USP42: variants seen among roughly 807,000 people sequenced by gnomAD.
USP42 encodes the protein ubiquitin specific peptidase 42, also known as ubiquitin carboxyl-terminal hydrolase 42.
Under a neutral mutation model 113.0 loss-of-function variants are expected in USP42, and 23 were observed. That is an observed-to-expected ratio of 0.20 (90% confidence interval 0.15 to 0.29). USP42 has a LOEUF of 0.29. Ranked by LOEUF, USP42 falls within the 10% of genes least tolerant of loss-of-function variation. The probability of loss-of-function intolerance (pLI) is 1.00; values close to 1 mark genes in which losing one functional copy is unlikely to be tolerated. For missense variants in USP42, 2,174 were observed against 1,779.8 expected (o/e 1.22, Z -3.99); for synonymous variants, 933 against 699.0 (o/e 1.33, Z -5.28).
chr7:6,121,338 G>A (rs1380024467), intron 3 of USP42, among the ~76,000 whole-genome samples: 2 of 152,104 alleles, frequency 1.3e-5, no homozygotes, highest in Non-Finnish European at 2.9e-5. Flanking sequence ...AACCAACCTT[G>A]CATTCCTGAG....
At chr7:6,156,452 A>G (rs536923490) in intron 15 of USP42, among the ~76,000 whole-genome samples, 15 of 152,140 alleles carry the variant, frequency 9.9e-5, no homozygotes, top group South Asian at 6.2e-4. Flanking sequence ...AGTGAAGGCA[A>G]ACTTGTTAAA....
chr7:6,124,840 T>TA (rs752101867), intron 3 of USP42, among the ~76,000 whole-genome samples: 6 of 152,078 alleles, frequency 3.9e-5, no homozygotes, highest in Non-Finnish European at 7.4e-5. Flanking sequence ...TTCATGGTGG[T>TA]TACTTTAGGT....
rs1310642769 is a variant in USP42 at position 6,158,418 on chromosome 7, C to T, written c.3944-1032C>T. On this transcript the variant is annotated intron_variant, in intron 16 of 17. Coordinates refer to ENST00000306177, the MANE Select transcript of USP42 (RefSeq NM_032172.3). The surrounding 1 kb of genome is among the most constrained non-coding windows in gnomAD (Gnocchi z 4.2). ...GCTTTTGACGAATCTTCAGGGCTGC[C>T]CTGAGGCCTTTTGCTTCTCGGCTGA... 6.6e-6 allele frequency among the ~76,000 whole-genome samples: 1 copy of T among 152,222 alleles called. No homozygotes were observed. Among genetic ancestry groups the T allele is most frequent in the African/African-American group, 2.4e-5 (1 of 41,464 alleles).
At chr7:6,123,455 A>T (rs1196666574) in intron 3 of USP42, among the ~76,000 whole-genome samples, 9 of 152,156 alleles carry the variant, frequency 5.9e-5, no homozygotes, top group Non-Finnish European at 1.5e-5. Context: ...CGAGCTCAGG[A>T]GATCGAGACC....
intron 6 of USP42, among the ~76,000 whole-genome samples, chr7:6,140,484 T>TTC (rs138120113): frequency 0.073 from 11,085 of 152,276 alleles, 500 homozygotes; most frequent in African/African-American, 0.12. Flanking sequence ...CCTTCGACAG[T>TTC]TGGAGTAGTG....
At chr7:6,150,897 C>T (rs74540684) in intron 14 of USP42, among the ~76,000 whole-genome samples, 10,550 of 152,156 alleles carry the variant, frequency 0.069, 824 homozygotes, top group East Asian at 0.43. Context: ...TACAGACATC[C>T]GTCCGTCCAC....
intron 3 of USP42, among the ~76,000 whole-genome samples, chr7:6,120,815 C>T (rs1292994062): frequency 2.6e-5 from 4 of 151,960 alleles, no homozygotes; most frequent in Admixed American, 1.3e-4. Flanking sequence ...AACTCCTGGC[C>T]TCAAATGATC....
In USP42 at chr7:6,141,034, T is replaced by G. The variant is rs771551764; in HGVS notation, c.795+50T>G. On this transcript the variant is annotated intron_variant, in intron 7 of 17. Coordinates refer to ENST00000306177, the MANE Select transcript of USP42 (RefSeq NM_032172.3). ...ATTACATTTTTAAAATAAGTCATTT[T>G]ATGTAACTGTAGTTCATTTATAATT... 11 of 938,766 alleles carry G rather than the reference T, an allele frequency of 1.2e-5. No individual in the cohort carries two copies. In the East Asian group the frequency reaches 1.6e-4, roughly 13 times the overall value. 58.2% of individuals were successfully genotyped at this position (938,766 alleles called of 1,614,324 possible). A position where few individuals can be genotyped will look rare whatever the true frequency, so the allele number is the denominator to read the frequency against.
intron 11 of USP42, among the ~76,000 whole-genome samples, 195 bp from the exon 12 acceptor site, chr7:6,147,544 T>C (rs1371764439): frequency 6.6e-6 from 1 of 152,256 alleles, no homozygotes; most frequent in Non-Finnish European, 1.5e-5. Context: ...CCAGTTATCC[T>C]TGTTGTCTCC....
At chr7:6,104,653 C>A (rs960017294), upstream of USP42, among the ~76,000 whole-genome samples, 11 of 152,198 alleles carry the variant, frequency 7.2e-5, 1 homozygote, top group African/African-American at 2.2e-4. Flanking sequence ...GCGGAAGGAG[C>A]CCTTTCGCCG....
chr7:6,127,692 A>G (rs1008706763), intron 3 of USP42, among the ~76,000 whole-genome samples: 2 of 152,332 alleles, frequency 1.3e-5, no homozygotes, highest in East Asian at 3.9e-4. Flanking sequence ...AAGTCTTGTC[A>G]TCGGTTAGAA....
At chr7:6,128,887 C>T (rs1479352604) in intron 3 of USP42, among the ~76,000 whole-genome samples, 4 of 152,142 alleles carry the variant, frequency 2.6e-5, no homozygotes, top group East Asian at 1.9e-4. Context: ...GTTGCACCAT[C>T]TCAGCTCACT....
At chr7:6,138,764 A>C (rs976749722) in intron 4 of USP42, among the ~76,000 whole-genome samples, 1 of 152,164 alleles carries the variant, frequency 6.6e-6, no homozygotes, top group Non-Finnish European at 1.5e-5. Flanking sequence ...CTGTGTGTGC[A>C]TGGGATCCAG....
In USP42 at chr7:6,156,790, T is replaced by C. The variant is rs373214969; in HGVS notation, c.3678T>C (p.Ser1226=). ...QQDSDLSAAC[S]DADLHRHKKK... is the part of the protein sequence containing the mutation. ...ACTCAGACCTCTCAGCAGCGTGCTC[T>C]GACGCTGACCTCCACAGACACAAAA... The change falls in exon 16 of 18, where the codon TCT becomes TCC. Residue 1226 remains serine, a synonymous_variant. Transcript: ENST00000306177. The C allele has an allele frequency of 6.3e-7, 1 of 1,588,842 alleles. No homozygotes were observed. The highest frequency in any genetic ancestry group is 8.5e-7 in the Non-Finnish European group (1 of 1,170,910).
chr7:6,102,914 C>T (rs1018025506), upstream of USP42, among the ~76,000 whole-genome samples: 1 of 150,930 alleles, frequency 6.6e-6, no homozygotes, highest in African/African-American at 2.5e-5. Flanking sequence ...AGAGAAGAGA[C>T]TGTTGAGATG....
intron 3 of USP42, among the ~76,000 whole-genome samples, chr7:6,131,475 A>G (rs1205146320): frequency 2.6e-5 from 4 of 152,148 alleles, no homozygotes; most frequent in Non-Finnish European, 4.4e-5. Context: ...TGCTGTCTCA[A>G]AAAAAACAAA....
Position 6,158,201 on chromosome 7 carries a change from T to C in USP42, c.3943+1146T>C, listed in dbSNP as rs1336982486. Among the ~76,000 whole-genome samples, 2 of 152,242 alleles carry C rather than the reference T, an allele frequency of 1.3e-5. No individual in the cohort carries two copies. Among genetic ancestry groups the C allele is most frequent in the Admixed American group, 1.3e-4 (2 of 15,288 alleles). On this transcript the variant is annotated intron_variant, in intron 16 of 17. Transcript: ENST00000306177. The surrounding 1 kb of genome is among the most constrained non-coding windows in gnomAD (Gnocchi z 4.2). ...GTGGCTTGATTGGGGCGCAGCCAGG[T>C]GCGTTCCCACGCTGTCTGGCGGCTT... is the stretch of plus-strand genomic sequence containing the variant.
intron 3 of USP42, among the ~76,000 whole-genome samples, chr7:6,121,909 G>A (rs1248369907): frequency 1.3e-5 from 2 of 152,058 alleles, no homozygotes; most frequent in African/African-American, 4.8e-5. Flanking sequence ...GATCCTCCCC[G>A]CTTGGCCTCC....
At chr7:6,092,041 C>CT in the USP42 span, among the ~76,000 whole-genome samples, 1 of 94,928 alleles carries the variant, frequency 1.1e-5, no homozygotes. Context: ...TCTTCTTCTT[C>CT]TTCTTCTTCT....
Sources: allele counts gnomAD v4.1 joint callset (sites outside exome capture counted in the v4.1 genomes callset), GRCh38; gene constraint gnomAD v4.1.1; non-coding constraint Gnocchi (gnomAD v3.1); transcripts MANE v1.5; gene names NCBI Gene and HGNC (gene_info 2026-07-23, HGNC 2026-07-21).